The following ACOT12 variants were observed in gnomAD, a reference collection of about 807,000 sequenced individuals.
ACOT12 encodes the protein acetyl-coenzyme A thioesterase.
In ACOT12, 51 loss-of-function variants were observed where a neutral mutation model predicts 67.7. The ratio of observed to expected loss-of-function variants is 0.75; its 90% CI spans 0.60 to 0.95. The LOEUF (loss-of-function observed/expected upper bound fraction) is 0.95, where lower values mean the gene tolerates loss of function less well. Ranked by LOEUF, ACOT12 falls within the 40% of genes least tolerant of loss-of-function variation. The pLI is 0.00. For synonymous variants in ACOT12, 251 were observed against 244.6 expected, an observed-to-expected ratio of 1.03 and a Z score of -0.24; for missense variants, 734 against 708.1, an observed-to-expected ratio of 1.04 and a Z score of -0.41.
At chr5:81,381,192 G>C (rs1760573879) in intron 2 of ACOT12, among the ~76,000 whole-genome samples, 2 of 151,836 alleles carry the variant, frequency 1.3e-5, no homozygotes, top group African/African-American at 2.4e-5. Context: ...TCAGCTTCCC[G>C]AATAGCTGGG....
Position 81,371,784 on chromosome 5 carries a change from G to A in ACOT12, c.224C>T (p.Ala75Val). Residue 75 changes from alanine to valine, a missense_variant, in exon 3 of 15, where the codon GCA becomes GTA. Transcript: ENST00000307624. ...ARVGQVITIK[A>V]KVTRAFSTSM... ...TGTGCTGAATGCTCTAGTAACTTTT[G>A]CTTTGATGGTTATAACTTGTCCAAC... 1.9e-6 allele frequency: 3 copies of A among 1,614,082 alleles called. No individual in the cohort carries two copies. Among genetic ancestry groups the A allele is most frequent in the Non-Finnish European group, 2.5e-6 (3 of 1,180,010 alleles).
chr5:81,370,251 C>A (rs1360061982), intron 3 of ACOT12, among the ~76,000 whole-genome samples: 1 of 152,058 alleles, frequency 6.6e-6, no homozygotes, highest in Non-Finnish European at 1.5e-5. Flanking sequence ...TCCAGCCTGG[C>A]AACAGAGTGA....
chr5:81,384,430 G>A (rs13154229), intron 2 of ACOT12, among the ~76,000 whole-genome samples: 23,012 of 151,876 alleles, frequency 0.15, 2,223 homozygotes, highest in Admixed American at 0.22. Flanking sequence ...GAGCCACCAC[G>A]CCTGGCCAGG....
At chr5:81,309,186 G>C in the ACOT12 span, 1 of 548,022 alleles carries the variant, frequency 1.8e-6, no homozygotes, top group African/African-American at 1.9e-5. Context: ...GCTATCATAT[G>C]TACTAGGCTT....
intron 2 of ACOT12, among the ~76,000 whole-genome samples, chr5:81,374,295 A>T (rs1387848382): frequency 6.6e-6 from 1 of 152,206 alleles, no homozygotes; most frequent in Middle Eastern, 3.2e-3. Context: ...TAGCATCAAC[A>T]TCAACAAAAA....
At chr5:81,342,412 T>C (rs1246312941) in intron 11 of ACOT12, among the ~76,000 whole-genome samples, 1 of 151,900 alleles carries the variant, frequency 6.6e-6, no homozygotes, top group Non-Finnish European at 1.5e-5. Context: ...GGGATTTGGG[T>C]AGATGGAGAA....
Position 81,363,833 on chromosome 5 carries a change from A to T in ACOT12, c.315T>A (p.Ser105Arg). Residue 105 changes from serine (S) to arginine (R), a missense_variant, in exon 4 of 15, where the codon AGT (serine) becomes AGA (arginine). Physicochemically the swap from Ser to Arg is moderately radical, Grantham distance 110. Coordinates refer to ENST00000307624, the MANE Select transcript of ACOT12 (RefSeq NM_130767.3). ...TGGCTACAAATGTGGAGAAAGCCAC[A>T]CTAACAAGCTTCTCAATGCCAGTGA... Reference protein sequence around the residue: ...DMLTGIEKLVSVAFSTFVAKP... With the variant: ...DMLTGIEKLVRVAFSTFVAKP... The T allele has an allele frequency of 1.2e-6, 2 of 1,612,502 alleles. No individual in the cohort carries two copies. Among genetic ancestry groups the T allele is most frequent in the Non-Finnish European group, 1.7e-6 (2 of 1,179,398 alleles).
the ACOT12 span, among the ~76,000 whole-genome samples, chr5:81,323,060 G>A: frequency 1.2e-4 from 17 of 145,272 alleles, no homozygotes; most frequent in Admixed American, 1.2e-3. Flanking sequence ...ACTGAGGAAG[G>A]AGCATGCCTG....
At chr5:81,377,246 T>C (rs934133070) in intron 2 of ACOT12, among the ~76,000 whole-genome samples, 1 of 152,174 alleles carries the variant, frequency 6.6e-6, no homozygotes, top group Admixed American at 6.5e-5. Context: ...AACCACATAA[T>C]TGTCTCAATA....
At chr5:81,362,926 G>T (rs1319874827) in intron 4 of ACOT12, among the ~76,000 whole-genome samples, 1 of 152,172 alleles carries the variant, frequency 6.6e-6, no homozygotes, top group Non-Finnish European at 1.5e-5. Context: ...GACTGAGAGT[G>T]CAGGCCAGGC....
At chr5:81,371,887 T>C (rs938058405) in intron 2 of ACOT12, 77 bp from the exon 3 acceptor site, 2 of 1,288,718 alleles carry the variant, frequency 1.6e-6, no homozygotes, top group Non-Finnish European at 2.2e-6. Context: ...ATTACTTAAA[T>C]GCATGCCATA....
chr5:81,319,804 C>G, the ACOT12 span, among the ~76,000 whole-genome samples: 1 of 151,448 alleles, frequency 6.6e-6, no homozygotes, highest in Admixed American at 6.6e-5. Flanking sequence ...CCACCCTACC[C>G]TAAGCACCCA....
intron 3 of ACOT12, among the ~76,000 whole-genome samples, chr5:81,367,610 T>C (rs1361220169): frequency 2.6e-5 from 4 of 152,014 alleles, no homozygotes; most frequent in African/African-American, 9.7e-5. Flanking sequence ...AATGGATTAC[T>C]AAAAATTACT....
chr5:81,344,005 C>T, intron 9 of ACOT12, 124 bp from the exon 10 acceptor site: 2 of 1,207,086 alleles, frequency 1.7e-6, no homozygotes, highest in Admixed American at 2.1e-5. Context: ...CGTGGAAGAA[C>T]TATTTCCATA....
At position 81,391,426 on chromosome 5, in the gene ACOT12, G is replaced by A. The variant is rs76581403; in HGVS notation, c.127+2562C>T. Reference sequence around the variant, plus strand: ...CCAACACCACTTTGTTCTTTCATGTGTTAACTTTCAAGTGTTATAAGCCTA... The same window carrying A: ...CCAACACCACTTTGTTCTTTCATGTATTAACTTTCAAGTGTTATAAGCCTA... On this transcript the variant is annotated intron_variant, in intron 1 of 14. Coordinates refer to ENST00000307624, the MANE Select transcript of ACOT12 (RefSeq NM_130767.3). Among the ~76,000 whole-genome samples the A allele has an allele frequency of 5.7e-3, 869 of 152,272 alleles. 7 individuals are homozygous for A. Among genetic ancestry groups the A allele is most frequent in the African/African-American group, 0.02 (831 of 41,566 alleles).
chr5:81,382,465 C>A (rs572775032), intron 2 of ACOT12, among the ~76,000 whole-genome samples: 1 of 152,090 alleles, frequency 6.6e-6, no homozygotes, highest in African/African-American at 2.4e-5. Context: ...GAAGAAGCTC[C>A]CACTGCTCAA....
chr5:81,326,480 CA>C (rs2153839188), downstream of ACOT12, among the ~76,000 whole-genome samples: 1 of 152,210 alleles, frequency 6.6e-6, no homozygotes, highest in South Asian at 2.1e-4. Context: ...ACAAAAGACA[CA>C]AGACTTTTGG....
At chr5:81,358,963 T>C (rs1484774837) in intron 5 of ACOT12, among the ~76,000 whole-genome samples, 1 of 152,152 alleles carries the variant, frequency 6.6e-6, no homozygotes, top group East Asian at 1.9e-4. Flanking sequence ...TGTGGGGTGG[T>C]CCCAGGATAT....
chr5:81,369,317 A>G (rs916303434), intron 3 of ACOT12, among the ~76,000 whole-genome samples: 1 of 152,220 alleles, frequency 6.6e-6, no homozygotes, highest in African/African-American at 2.4e-5. Context: ...CACAGAGCAG[A>G]GTTCCTGCTT....
Sources: allele counts gnomAD v4.1 joint callset (sites outside exome capture counted in the v4.1 genomes callset), GRCh38; gene constraint gnomAD v4.1.1; transcripts MANE v1.5; gene names NCBI Gene and HGNC (gene_info 2026-07-23, HGNC 2026-07-21).